CNNM4: variants seen among roughly 807,000 people sequenced by gnomAD.
CNNM4 encodes the protein metal transporter CNNM4.
A neutral mutation model predicts 53.7 loss-of-function variants in CNNM4; 32 were observed. The ratio of observed to expected loss-of-function variants is 0.60; its 90% CI spans 0.45 to 0.80. CNNM4 has a LOEUF of 0.80. CNNM4 is among the 30% of genes least tolerant of loss of function. The probability of loss-of-function intolerance (pLI) is 0.00; values close to 1 mark genes in which losing one functional copy is unlikely to be tolerated. For synonymous variants in CNNM4, 410 were observed against 440.0 expected, an observed-to-expected ratio of 0.93 and a Z score of 0.85; for missense variants, 784 against 1,022.0, an observed-to-expected ratio of 0.77 and a Z score of 3.17.
Position 96,801,159 on chromosome 2 carries a change from C to T in CNNM4, c.1948+1511C>T, listed in dbSNP as rs2079154246. 1.1e-5 allele frequency: 11 copies of T among 981,598 alleles called. No individual in the cohort carries two copies. Among genetic ancestry groups the T allele is most frequent in the Non-Finnish European group, 1.2e-5 (10 of 826,456 alleles). 60.8% of individuals were successfully genotyped at this position (981,598 alleles called of 1,614,324 possible). On this transcript the variant is annotated intron_variant, in intron 5 of 6. Coordinates refer to ENST00000377075, the MANE Select transcript of CNNM4 (RefSeq NM_020184.4). This position sits in a 1 kb window ranked among gnomAD's most constrained non-coding sequence, Gnocchi z 5.6. ...GGTAACGTGGCACAGCTGAGGGTCA[C>T]GCTGCCACCTGCTGCCTGTGCCTGC... is the stretch of plus-strand genomic sequence containing the variant.
intron 1 of CNNM4, among the ~76,000 whole-genome samples, chr2:96,769,398 GTC>G (rs1464411871): frequency 6.6e-6 from 1 of 150,940 alleles, no homozygotes; most frequent in Admixed American, 6.6e-5. Context: ...GTGAAACCCC[GTC>G]TCTACTAAAA....
chr2:96,800,995 C>A lies in CNNM4; in HGVS notation c.1948+1347C>A. 1.5e-6 allele frequency: 1 copy of A among 645,718 alleles called. No homozygotes were observed. The highest frequency in any genetic ancestry group is 1.9e-6 in the Non-Finnish European group (1 of 519,832). 40.0% of individuals were successfully genotyped at this position (645,718 alleles called of 1,614,324 possible). A position where few individuals can be genotyped will look rare whatever the true frequency, so the allele number is the denominator to read the frequency against. On this transcript the variant is annotated intron_variant, in intron 5 of 6. Transcript: ENST00000377075. The surrounding 1 kb of genome is among the most constrained non-coding windows in gnomAD (Gnocchi z 4.6). Reference sequence around the variant, plus strand: ...CCAAAGCAGCCTGGCCCCGTCAGGTCTGCCTCTGTCCTGTGCCTGTGGTTC... The same window carrying A: ...CCAAAGCAGCCTGGCCCCGTCAGGTATGCCTCTGTCCTGTGCCTGTGGTTC...
In CNNM4 at chr2:96,761,802, G is replaced by T. The variant is rs760772919; in HGVS notation, c.803G>T (p.Gly268Val). The T allele has an allele frequency of 1.1e-5, 17 of 1,613,698 alleles. No homozygotes were observed. Among genetic ancestry groups the T allele is most frequent in the Non-Finnish European group, 8.5e-6 (10 of 1,180,034 alleles). ...CTTCTAGACAACCTCATCGGGTCCGGCCTCATGGCGGTGGCCTCCTCCACC... is the reference window on the plus strand; with the variant it reads ...CTTCTAGACAACCTCATCGGGTCCGTCCTCATGGCGGTGGCCTCCTCCACC... Reference protein sequence around the residue: ...TILLDNLIGSGLMAVASSTIG... With the variant: ...TILLDNLIGSVLMAVASSTIG... Residue 268 changes from glycine (G) to valine (V), a missense_variant, in exon 1 of 7, where the codon GGC becomes GTC. Physicochemically the swap from Gly to Val is moderately radical, Grantham distance 109. Around this residue, in one of 3 missense-constraint regions of CNNM4, gnomAD observed 473 missense variants for 624.6 expected, o/e 0.76. Transcript: ENST00000377075. The surrounding 1 kb of genome is among the most constrained non-coding windows in gnomAD (Gnocchi z 6.0).
chr2:96,783,327 G>A (rs998860455), intron 1 of CNNM4, among the ~76,000 whole-genome samples: 2 of 152,200 alleles, frequency 1.3e-5, no homozygotes, highest in African/African-American at 4.8e-5. Context: ...CGGACTGGGT[G>A]GAAAGGAAGA....
At chr2:96,791,508 C>T (rs565320753) in intron 1 of CNNM4, among the ~76,000 whole-genome samples, 1 of 151,604 alleles carries the variant, frequency 6.6e-6, no homozygotes, top group South Asian at 2.1e-4. Context: ...TGGCGGGCGC[C>T]TGTAATCCCA....
intron 5 of CNNM4, among the ~76,000 whole-genome samples, chr2:96,802,735 G>A (rs1662615727): frequency 1.3e-5 from 2 of 152,228 alleles, no homozygotes; most frequent in South Asian, 4.1e-4. Flanking sequence ...AAAATGTGGT[G>A]TTCCAACCAG....
At chr2:96,782,765 T>A (rs2153346833) in intron 1 of CNNM4, among the ~76,000 whole-genome samples, 1 of 152,238 alleles carries the variant, frequency 6.6e-6, no homozygotes, top group Admixed American at 6.5e-5. Context: ...AAAAGCTAAT[T>A]TTCATTTCTT....
In CNNM4 at chr2:96,808,529, C is replaced by G. The variant is rs1364894494; in HGVS notation, c.1949-32C>G. ...GGGTGAGAGTGGGCATCGGAGTGGC[C>G]TTTGGCATGACAACCTCTGCTCTCC... On this transcript the variant is annotated intron_variant, in intron 5 of 6. Transcript: ENST00000377075. The surrounding 1 kb of genome is among the most constrained non-coding windows in gnomAD (Gnocchi z 4.9). 6.2e-7 allele frequency: 1 copy of G among 1,613,430 alleles called. No homozygotes were observed. Among genetic ancestry groups the G allele is most frequent in the South Asian group, 1.1e-5 (1 of 91,034 alleles).
In CNNM4 at chr2:96,760,916, C is replaced by A; in HGVS notation, c.-84C>A. ...GCGGCCCGGGCAGTTGGCTCGGCGG[C>A]AGCGGAGCGGCCGGAGCTGCGGTGC... On this transcript the variant is annotated 5_prime_UTR_variant, in exon 1 of 7. Coordinates refer to ENST00000377075, the MANE Select transcript of CNNM4 (RefSeq NM_020184.4). The A allele has an allele frequency of 1.3e-6, 1 of 764,998 alleles. No homozygotes were observed. The highest frequency in any genetic ancestry group is 1.6e-6 in the Non-Finnish European group (1 of 628,372). The allele number at this position is 764,998 out of a possible 1,614,324, so 47.4% of individuals were successfully genotyped here. A position where few individuals can be genotyped will look rare whatever the true frequency, so the allele number is the denominator to read the frequency against.
intron 1 of CNNM4, among the ~76,000 whole-genome samples, chr2:96,772,195 T>C (rs112192447): frequency 3.7e-5 from 5 of 134,774 alleles, no homozygotes; most frequent in Middle Eastern, 4.9e-3. Flanking sequence ...CAGGCAGGCT[T>C]ACTCCCACCT....
chr2:96,802,309 T>C (rs1318837512), intron 5 of CNNM4, among the ~76,000 whole-genome samples: 2 of 152,212 alleles, frequency 1.3e-5, no homozygotes, highest in African/African-American at 4.8e-5. Flanking sequence ...CCCAGCCAAG[T>C]GAGCACCGGC....
intron 1 of CNNM4, among the ~76,000 whole-genome samples, chr2:96,794,103 G>T (rs1239619311): frequency 6.6e-6 from 1 of 152,068 alleles, no homozygotes; most frequent in Non-Finnish European, 1.5e-5. Flanking sequence ...TGACTTTGGG[G>T]GTCTGAACAA....
chr2:96,800,370 A>T lies in CNNM4; in HGVS notation c.1948+722A>T, dbSNP rs1458271395. On this transcript the variant is annotated intron_variant, in intron 5 of 6. Coordinates refer to ENST00000377075, the MANE Select transcript of CNNM4 (RefSeq NM_020184.4). The surrounding 1 kb of genome is among the most constrained non-coding windows in gnomAD (Gnocchi z 4.6). ...CGAGGTTGCTGCAGGGTAGAGAGAG[A>T]AAGTCCACTTTGGTGCTGGAGAACA... is the stretch of plus-strand genomic sequence containing the variant. Among the ~76,000 whole-genome samples the T allele has an allele frequency of 6.6e-6, 1 of 152,194 alleles. No homozygotes were observed. The highest frequency in any genetic ancestry group is 6.5e-5 in the Admixed American group (1 of 15,280).
At position 96,809,593 on chromosome 2, in the gene CNNM4, AG is replaced by A; in HGVS notation, c.*77del. 7.6e-7 allele frequency: 1 copy of A among 1,318,104 alleles called. No individual in the cohort carries two copies. Among genetic ancestry groups the A allele is most frequent in the South Asian group, 1.2e-5 (1 of 83,116 alleles). The allele number at this position is 1,318,104 out of a possible 1,614,324, so 81.7% of individuals were successfully genotyped here. A position where few individuals can be genotyped will look rare whatever the true frequency, so the allele number is the denominator to read the frequency against. Reference sequence around the variant, plus strand: ...CCCACATGAAGAGAGGGAACCTGTTAGTCCAGAAAGGATACGGATAGATAGC... The same window carrying A: ...CCCACATGAAGAGAGGGAACCTGTTATCCAGAAAGGATACGGATAGATAGC... On this transcript the variant is annotated 3_prime_UTR_variant, in exon 7 of 7. Coordinates refer to ENST00000377075, the MANE Select transcript of CNNM4 (RefSeq NM_020184.4).
intron 5 of CNNM4, among the ~76,000 whole-genome samples, chr2:96,802,968 C>G (rs2079172310): frequency 1.3e-5 from 2 of 152,166 alleles, no homozygotes; most frequent in African/African-American, 4.8e-5. Context: ...TCTTTCAGCT[C>G]CTCACACCCC....
intron 1 of CNNM4, among the ~76,000 whole-genome samples, chr2:96,790,512 G>A (rs2079052864): frequency 2.6e-5 from 4 of 151,676 alleles, no homozygotes; most frequent in Middle Eastern, 6.8e-3. Flanking sequence ...GTGCCACCAT[G>A]CTTGGCTAAT....
rs568713096 is a variant in CNNM4 at position 96,811,085 on chromosome 2, C to A, written c.*1568C>A. ...TCCTCACCCCAAGTGCCCTGCTCTC[C>A]AGGTGCCTAGAGTATCCTAACTCTT... is the stretch of plus-strand genomic sequence containing the variant. On this transcript the variant is annotated 3_prime_UTR_variant, in exon 7 of 7. Coordinates refer to ENST00000377075, the MANE Select transcript of CNNM4 (RefSeq NM_020184.4). 7 of 152,366 alleles carry A rather than the reference C, an allele frequency of 4.6e-5. No individual in the cohort carries two copies. In the East Asian group the frequency reaches 1.3e-3, roughly 29 times the overall value. 9.4% of individuals were successfully genotyped at this position (152,366 alleles called of 1,614,324 possible). A position where few individuals can be genotyped will look rare whatever the true frequency, so the allele number is the denominator to read the frequency against.
intron 1 of CNNM4, among the ~76,000 whole-genome samples, chr2:96,781,509 C>T (rs539201288): frequency 3.3e-5 from 5 of 152,286 alleles, no homozygotes; most frequent in Admixed American, 6.5e-5. Context: ...CCACCATGCC[C>T]GCACCTGATT....
At position 96,761,617 on chromosome 2, in the gene CNNM4, T is replaced by G. The variant is rs746175262; in HGVS notation, c.618T>G (p.Leu206=). ...SGIFSGLNLG[L]MALDPMELRI... is the part of the protein sequence containing the mutation. The stretch of plus-strand genomic sequence containing the variant: ...TATTTTCTGGCCTCAACCTCGGGCT[T>G]ATGGCCCTGGACCCCATGGAGCTGC... The change falls in exon 1 of 7, where the codon CTT becomes CTG. Residue 206 remains leucine, a synonymous_variant. Transcript: ENST00000377075. This position sits in a 1 kb window ranked among gnomAD's most constrained non-coding sequence, Gnocchi z 6.0. The G allele has an allele frequency of 6.2e-7, 1 of 1,613,922 alleles. No individual in the cohort carries two copies. The highest frequency in any genetic ancestry group is 1.1e-5 in the South Asian group (1 of 91,086).
Sources: allele counts gnomAD v4.1 joint callset (sites outside exome capture counted in the v4.1 genomes callset), GRCh38; gene constraint gnomAD v4.1.1; regional missense constraint gnomAD v4.1.1; non-coding constraint Gnocchi (gnomAD v3.1); transcripts MANE v1.5; gene names NCBI Gene and HGNC (gene_info 2026-07-23, HGNC 2026-07-21).